The following CABIN1 variants were observed in gnomAD, a reference collection of about 807,000 sequenced individuals.
The protein encoded by CABIN1 is calcineurin-binding protein cabin-1.
CABIN1 carries 133 observed loss-of-function variants against 227.7 expected under a neutral mutation model. The observed-to-expected ratio is 0.58, with a 90% CI of 0.51 to 0.67. CABIN1 has a LOEUF of 0.67. Ranked by LOEUF, CABIN1 falls within the 30% of genes least tolerant of loss-of-function variation. The pLI is 0.00. For missense variants in CABIN1, 2,408 were observed against 2,852.5 expected (o/e 0.84, Z 3.55); for synonymous variants, 1,086 against 1,155.1 (o/e 0.94, Z 1.21).
chr22:24,044,134 C>G (rs956005538), intron 6 of CABIN1, among the ~76,000 whole-genome samples: 1 of 152,160 alleles, frequency 6.6e-6, no homozygotes, highest in Non-Finnish European at 1.5e-5. Flanking sequence ...GGCTCTACCC[C>G]TAAGATGCTA....
intron 28 of CABIN1, among the ~76,000 whole-genome samples, chr22:24,126,305 G>A (rs993211524): frequency 2.0e-5 from 3 of 152,308 alleles, no homozygotes; most frequent in African/African-American, 2.4e-5. Flanking sequence ...TAAGGGGTTC[G>A]AGGTGTGATT....
chr22:24,051,934 C>A (rs1040411507), intron 8 of CABIN1, among the ~76,000 whole-genome samples: 1 of 151,942 alleles, frequency 6.6e-6, no homozygotes, highest in Non-Finnish European at 1.5e-5. Context: ...TATTTCCATA[C>A]CCGAGCACCG....
chr22:24,120,618 T>TG (rs1313129207), intron 28 of CABIN1, among the ~76,000 whole-genome samples: 1 of 151,936 alleles, frequency 6.6e-6, no homozygotes, highest in African/African-American at 2.4e-5. Context: ...GGTCAGGAGT[T>TG]GAAGACCAAC....
At chr22:24,088,516 G>A (rs1351632589) in intron 23 of CABIN1, among the ~76,000 whole-genome samples, 1 of 152,152 alleles carries the variant, frequency 6.6e-6, no homozygotes, top group Non-Finnish European at 1.5e-5. Context: ...GCTGAGGCAG[G>A]AGAATTGCTT....
chr22:24,130,543 T>C (rs1368783424), intron 28 of CABIN1, among the ~76,000 whole-genome samples: 1 of 152,132 alleles, frequency 6.6e-6, no homozygotes, highest in Non-Finnish European at 1.5e-5. Context: ...CTTACCTCAC[T>C]ACACCACGAA....
At chr22:24,124,019 C>G (rs552610668) in intron 28 of CABIN1, among the ~76,000 whole-genome samples, 75 of 152,354 alleles carry the variant, frequency 4.9e-4, no homozygotes, top group African/African-American at 1.8e-3. Context: ...TGGAAAGAAA[C>G]CGCCTTCAGG....
chr22:24,173,117 C>A, intron 34 of CABIN1: 1 of 152,478 alleles, frequency 6.6e-6, no homozygotes. Context: ...AGGACCCAGC[C>A]TGTTTCCTTG....
intron 29 of CABIN1, among the ~76,000 whole-genome samples, chr22:24,152,617 G>C (rs1313910993): frequency 6.6e-6 from 1 of 152,180 alleles, no homozygotes; most frequent in South Asian, 2.1e-4. Flanking sequence ...GGCTGAGAAC[G>C]GGGACTGTTA....
chr22:24,051,030 G>T (rs1161374456), intron 8 of CABIN1, 56 bp downstream of exon 8: 128 of 1,608,482 alleles, frequency 8.0e-5, no homozygotes, highest in Middle Eastern at 3.6e-4. Context: ...CCTGTTGTGG[G>T]ATGCTGCCCT....
intron 10 of CABIN1, 69 bp from the exon 11 acceptor site, chr22:24,059,158 C>T (rs999532386): frequency 1.3e-6 from 2 of 1,596,930 alleles, no homozygotes; most frequent in Admixed American, 3.3e-5. Context: ...GTTTCTCTAA[C>T]AGGAAGAGTT....
intron 29 of CABIN1, among the ~76,000 whole-genome samples, chr22:24,137,575 T>C (rs1049667940): frequency 2.6e-5 from 4 of 152,176 alleles, no homozygotes; most frequent in Non-Finnish European, 4.4e-5. Flanking sequence ...TCCAGGACAG[T>C]TGTTTGTTCC....
rs1248762093 is a variant in CABIN1 at position 24,134,877 on chromosome 22, A to C, written c.4746+462A>C. Among the ~76,000 whole-genome samples, 14 of 151,980 alleles carry C rather than the reference A, an allele frequency of 9.2e-5. No individual in the cohort carries two copies. The South Asian group carries it at 2.3e-3, about 25-fold the overall frequency. Reference sequence around the variant, plus strand: ...CAGATCATCTGAGGTCAGGAGTTCGAGACCAGCCTGGCCAACATGGCAAAA... The same window carrying C: ...CAGATCATCTGAGGTCAGGAGTTCGCGACCAGCCTGGCCAACATGGCAAAA... On this transcript the variant is annotated intron_variant, in intron 29 of 36. Coordinates refer to ENST00000263119, the MANE Select transcript of CABIN1 (RefSeq NM_012295.4).
At chr22:24,142,919 G>T (rs561705385) in intron 29 of CABIN1, among the ~76,000 whole-genome samples, 2 of 152,026 alleles carry the variant, frequency 1.3e-5, no homozygotes, top group African/African-American at 4.8e-5. Context: ...CCCCTCTCAG[G>T]ACCAGTTGTG....
At chr22:24,056,486 T>C (rs2038808040) in intron 10 of CABIN1, 126 bp downstream of exon 10, 1 of 950,886 alleles carries the variant, frequency 1.1e-6, no homozygotes, top group Non-Finnish European at 1.6e-6. Context: ...CCATAACATC[T>C]GTGCAGATGT....
intron 34 of CABIN1, chr22:24,173,321 C>T (rs926069414): frequency 6.6e-6 from 1 of 152,202 alleles, no homozygotes; most frequent in Non-Finnish European, 1.5e-5. Context: ...CAGCTCTTTC[C>T]CACGGTGGCT....
intron 29 of CABIN1, among the ~76,000 whole-genome samples, chr22:24,137,454 G>A (rs946654761): frequency 1.3e-5 from 2 of 152,222 alleles, no homozygotes; most frequent in Non-Finnish European, 2.9e-5. Flanking sequence ...GGGAAGGCTG[G>A]TACAGCCTCA....
Position 24,059,278 on chromosome 22 carries a change from A to C in CABIN1, c.1314A>C (p.Glu438Asp). The C allele has an allele frequency of 6.2e-7, 1 of 1,614,184 alleles. No homozygotes were observed. Among genetic ancestry groups the C allele is most frequent in the Non-Finnish European group, 8.5e-7 (1 of 1,180,000 alleles). The change falls in exon 11 of 37, where the codon GAA (glutamate) becomes GAC (aspartate). Residue 438 changes from glutamate (E) to aspartate (D), a missense_variant. Physicochemically the swap from Glu to Asp is conservative, Grantham distance 45. Coordinates refer to ENST00000263119, the MANE Select transcript of CABIN1 (RefSeq NM_012295.4). ...EEEDDSFNNY[E>D]VQSEAKLESF... ...AAGATGATTCCTTTAATAACTATGA[A>C]GTCCAGTCAGAAGCCAAACTGGAAA...
chr22:24,027,528 CCA>C (rs1433838820), intron 1 of CABIN1, among the ~76,000 whole-genome samples: 1 of 152,182 alleles, frequency 6.6e-6, no homozygotes, highest in Admixed American at 6.5e-5. Context: ...AATGTATCCC[CCA>C]CAGTTTATAT....
intron 26 of CABIN1, among the ~76,000 whole-genome samples, chr22:24,104,953 T>C (rs2042428128): frequency 6.6e-6 from 1 of 152,146 alleles, no homozygotes; most frequent in African/African-American, 2.4e-5. Flanking sequence ...ATGGAACAAA[T>C]GGCCGTGAGC....
Sources: gnomAD v4.1 joint callset for allele counts (sites outside exome capture counted in the v4.1 genomes callset) on GRCh38, gnomAD v4.1.1 for gene constraint, MANE v1.5 for transcripts, NCBI Gene and HGNC (gene_info 2026-07-23, HGNC 2026-07-21) for gene names.